Variants in SGCZ observed in about 807,000 individuals in gnomAD.
The protein encoded by SGCZ is zeta-sarcoglycan.
Under a neutral mutation model 41.3 loss-of-function variants are expected in SGCZ, and 40 were observed. That is an observed-to-expected ratio of 0.97 (90% CI 0.75 to 1.26). The LOEUF is 1.26. Ranked by LOEUF, SGCZ falls within the 50% of genes most tolerant of loss-of-function variation. The probability of loss-of-function intolerance (pLI) is 0.00; values close to 1 mark genes in which losing one functional copy is unlikely to be tolerated. For synonymous variants in SGCZ, 206 were observed against 137.5 expected (o/e 1.50, Z -3.49); for missense variants, 552 against 369.8 (o/e 1.49, Z -4.04).
intron 7 of SGCZ, among the ~76,000 whole-genome samples, chr8:14,099,816 T>TTC: frequency 6.6e-6 from 1 of 152,218 alleles, no homozygotes; most frequent in Non-Finnish European, 1.5e-5. Flanking sequence ...ACTTACAGTA[T>TTC]TCTCCATACA....
chr8:14,179,988 T>C (rs933838148), intron 4 of SGCZ, among the ~76,000 whole-genome samples: 7 of 152,136 alleles, frequency 4.6e-5, no homozygotes, highest in Admixed American at 3.9e-4. Context: ...CAGCACTCTT[T>C]TGTATTAGAA....
chr8:14,264,531 T>C (rs150954807), intron 3 of SGCZ, among the ~76,000 whole-genome samples: 1 of 152,240 alleles, frequency 6.6e-6, no homozygotes, highest in East Asian at 1.9e-4. Flanking sequence ...GTGCTGAACA[T>C]GGGGCAACAC....
chr8:14,466,276 TA>T (rs1006884947), intron 2 of SGCZ, among the ~76,000 whole-genome samples: 2 of 151,996 alleles, frequency 1.3e-5, no homozygotes, highest in Non-Finnish European at 2.9e-5. Flanking sequence ...GTTTGTTTGC[TA>T]CTTTAAATAT....
intron 1 of SGCZ, among the ~76,000 whole-genome samples, chr8:14,846,037 T>C (rs577695393): frequency 6.6e-6 from 1 of 152,104 alleles, no homozygotes; most frequent in African/African-American, 2.4e-5. Flanking sequence ...TTCAAATACA[T>C]GAAGCAAAAA....
chr8:15,031,094 C>T (rs1180614411), intron 1 of SGCZ, among the ~76,000 whole-genome samples: 1 of 152,024 alleles, frequency 6.6e-6, no homozygotes, highest in Non-Finnish European at 1.5e-5. Flanking sequence ...CGTTTTCTCA[C>T]TTAAAGTATT....
intron 1 of SGCZ, among the ~76,000 whole-genome samples, chr8:14,801,986 G>C (rs1801335297): frequency 6.6e-6 from 1 of 152,124 alleles, no homozygotes. Flanking sequence ...GCTCAGTCCT[G>C]GGCAGGAGCA....
At chr8:14,314,848 T>C (rs150639039) in intron 3 of SGCZ, among the ~76,000 whole-genome samples, 1 of 152,182 alleles carries the variant, frequency 6.6e-6, no homozygotes, top group African/African-American at 2.4e-5. Flanking sequence ...ACCGTTTCTA[T>C]GTTCACCACT....
intron 1 of SGCZ, among the ~76,000 whole-genome samples, chr8:14,610,261 T>G (rs1417397936): frequency 6.6e-6 from 1 of 152,152 alleles, no homozygotes; most frequent in East Asian, 1.9e-4. Flanking sequence ...AGAAGGGCAT[T>G]TGAGTCTCCC....
rs1457218 is a variant in SGCZ, at chr8:15,148,848, A to G, written c.39+88737T>C. Among the ~76,000 whole-genome samples, 200 of 152,348 alleles carry G rather than the reference A, an allele frequency of 1.3e-3. 1 individual carries two copies. The highest frequency in any genetic ancestry group is 4.5e-3 in the African/African-American group (187 of 41,586). Reference sequence around the variant, plus strand: ...CAGGAAAGAGGAGAGTGAAAGAATCATATTACCACTTGCCCCTCACACTGT... The same window carrying G: ...CAGGAAAGAGGAGAGTGAAAGAATCGTATTACCACTTGCCCCTCACACTGT... On this transcript the variant is annotated intron_variant, in intron 1 of 7. Transcript: ENST00000382080.
At chr8:14,797,433 T>C (rs1801171211) in intron 1 of SGCZ, among the ~76,000 whole-genome samples, 1 of 152,174 alleles carries the variant, frequency 6.6e-6, no homozygotes, top group African/African-American at 2.4e-5. Context: ...TTTGGCCCTA[T>C]CTTAGAGCTC....
rs893826943 is a variant in SGCZ at position 14,520,088 on chromosome 8, G to C, written c.234+34644C>G. Reference sequence around the variant, plus strand: ...AAAGGAGTAACAATCATTCCACAATGACAAGCTATAGTCAGCTTGATTTAT... The same window carrying C: ...AAAGGAGTAACAATCATTCCACAATCACAAGCTATAGTCAGCTTGATTTAT... On this transcript the variant is annotated intron_variant, in intron 2 of 7. Coordinates refer to ENST00000382080, the MANE Select transcript of SGCZ (RefSeq NM_139167.4). Among the ~76,000 whole-genome samples, 6 of 151,998 alleles carry C rather than the reference G, an allele frequency of 3.9e-5. No individual in the cohort carries two copies. The East Asian group carries it at 1.2e-3, about 29-fold the overall frequency.
chr8:14,746,622 A>G (rs1041092817), intron 1 of SGCZ, among the ~76,000 whole-genome samples: 2 of 152,278 alleles, frequency 1.3e-5, no homozygotes, highest in African/African-American at 4.8e-5. Flanking sequence ...CAGATATTCA[A>G]TTTATTACAC....
chr8:15,099,321 C>T (rs886250837), intron 1 of SGCZ, among the ~76,000 whole-genome samples: 15 of 152,240 alleles, frequency 9.9e-5, no homozygotes, highest in African/African-American at 3.6e-4. Context: ...GGGGCTGGGC[C>T]ATCACAACTG....
intron 2 of SGCZ, among the ~76,000 whole-genome samples, chr8:14,347,780 T>C (rs1295340431): frequency 6.6e-6 from 1 of 152,106 alleles, no homozygotes; most frequent in East Asian, 1.9e-4. Context: ...ATGAGATTTC[T>C]ATTTACACTG....
chr8:15,193,785 C>A (rs549341145), intron 1 of SGCZ, among the ~76,000 whole-genome samples: 44 of 152,202 alleles, frequency 2.9e-4, no homozygotes, highest in African/African-American at 7.7e-4. Context: ...ATGGGTGGTA[C>A]CATTAGGCTT....
chr8:15,039,811 C>T (rs540767471), intron 1 of SGCZ, among the ~76,000 whole-genome samples: 2 of 152,276 alleles, frequency 1.3e-5, no homozygotes, highest in Admixed American at 6.5e-5. Context: ...TATATGCTTA[C>T]TTCCATTTTA....
rs950845593 is a variant in SGCZ at position 14,127,267 on chromosome 8, A to G, written c.548-19032T>C. 2.0e-5 allele frequency among the ~76,000 whole-genome samples: 3 copies of G among 152,122 alleles called. No individual in the cohort carries two copies. The East Asian group carries it at 5.8e-4, about 29-fold the overall frequency. On this transcript the variant is annotated intron_variant, in intron 5 of 7. Transcript: ENST00000382080. Reference sequence around the variant, plus strand: ...CCACTGATAGCTGTGTGTATTTTCTATAAATCATTTAACCTGAGACCAGAG... The same window carrying G: ...CCACTGATAGCTGTGTGTATTTTCTGTAAATCATTTAACCTGAGACCAGAG...
intron 2 of SGCZ, among the ~76,000 whole-genome samples, chr8:14,401,745 C>T (rs1799082830): frequency 6.6e-6 from 1 of 151,534 alleles, no homozygotes; most frequent in Admixed American, 6.6e-5. Context: ...CCGCAATAAA[C>T]ATACGTGTGC....
At chr8:14,711,224 A>G (rs1463039414) in intron 1 of SGCZ, among the ~76,000 whole-genome samples, 2 of 152,150 alleles carry the variant, frequency 1.3e-5, no homozygotes, top group Non-Finnish European at 2.9e-5. Flanking sequence ...ACAATTTGTG[A>G]AAGTTATTTT....
Sources: allele counts gnomAD v4.1 joint callset (sites outside exome capture counted in the v4.1 genomes callset), GRCh38; gene constraint gnomAD v4.1.1; transcripts MANE v1.5; gene names NCBI Gene and HGNC (gene_info 2026-07-23, HGNC 2026-07-21).